BCAS3: variants seen among roughly 807,000 people sequenced by gnomAD.
BCAS3 encodes the protein BCAS3 microtubule associated cell migration factor.
In BCAS3, 53 loss-of-function variants were observed where a neutral mutation model predicts 116.1. That is an observed-to-expected ratio of 0.46 (90% confidence interval 0.37 to 0.57). BCAS3 has a LOEUF of 0.57. BCAS3 is among the 20% of genes least tolerant of loss of function. BCAS3 has a pLI of 0.00. For synonymous variants in BCAS3, 391 were observed against 408.2 expected, an observed-to-expected ratio of 0.96 and a Z score of 0.51; for missense variants, 917 against 1,165.4, an observed-to-expected ratio of 0.79 and a Z score of 3.10.
At chr17:61,009,017 T>C (rs371768028) in intron 15 of BCAS3, among the ~76,000 whole-genome samples, 2 of 152,102 alleles carry the variant, frequency 1.3e-5, no homozygotes, top group South Asian at 4.1e-4. Context: ...GTGTTGTAGA[T>C]AAGTGTATGG....
At position 61,008,867 on chromosome 17, in the gene BCAS3, A is replaced by G. The variant is rs2064908540; in HGVS notation, c.1487-6884A>G. ...TTGGGACTGGGGCTGTTTCCGTAGA[A>G]TTGTCTTCTGAGGAGTGCCAGAGAG... On this transcript the variant is annotated intron_variant, in intron 15 of 23. Transcript: ENST00000407086. The surrounding 1 kb of genome is among the most constrained non-coding windows in gnomAD (Gnocchi z 4.6). Among the ~76,000 whole-genome samples, 1 of 151,978 alleles carries G rather than the reference A, an allele frequency of 6.6e-6. No homozygotes were observed. The highest frequency in any genetic ancestry group is 2.1e-4 in the South Asian group (1 of 4,822).
At chr17:60,722,006 CTG>C (rs1568100411) in intron 5 of BCAS3, among the ~76,000 whole-genome samples, 1 of 152,068 alleles carries the variant, frequency 6.6e-6, no homozygotes, top group Non-Finnish European at 1.5e-5. Flanking sequence ...AACATTATGA[CTG>C]TAAGATTTGT....
rs957049543 is a variant in BCAS3 at position 61,354,307 on chromosome 17, A to G, written c.2426-14020A>G. ...GGAAAGAGAGAATTATGAGAAAAAT[A>G]TGTACTTATTCTGTGAAAATATGTG... On this transcript the variant is annotated intron_variant, in intron 22 of 23. Transcript: ENST00000407086. The surrounding 1 kb of genome is among the most constrained non-coding windows in gnomAD (Gnocchi z 4.5). The G allele has an allele frequency of 6.6e-6, 1 of 152,244 alleles. No individual in the cohort carries two copies. Among genetic ancestry groups the G allele is most frequent in the Non-Finnish European group, 1.5e-5 (1 of 68,054 alleles). The allele number at this position is 152,244 out of a possible 1,614,324, so 9.4% of individuals were successfully genotyped here. A position where few individuals can be genotyped will look rare whatever the true frequency, so the allele number is the denominator to read the frequency against.
chr17:61,250,601 TA>T (rs1279787428), intron 22 of BCAS3, among the ~76,000 whole-genome samples: 2 of 152,238 alleles, frequency 1.3e-5, no homozygotes, highest in Non-Finnish European at 2.9e-5. Context: ...TGATTATCTC[TA>T]AAAAGAAACT....
chr17:60,772,672 G>C (rs1052105474), intron 6 of BCAS3, among the ~76,000 whole-genome samples: 1 of 152,160 alleles, frequency 6.6e-6, no homozygotes, highest in African/African-American at 2.4e-5. Flanking sequence ...TCGAGGTCAG[G>C]AGTTCGAGAC....
At chr17:61,275,706 G>A (rs1255056205) in intron 22 of BCAS3, among the ~76,000 whole-genome samples, 1 of 152,170 alleles carries the variant, frequency 6.6e-6, no homozygotes, top group Non-Finnish European at 1.5e-5. Flanking sequence ...TAATTTGAAG[G>A]AGACTATCTC....
chr17:60,844,975 A>G (rs2052368421), intron 7 of BCAS3, among the ~76,000 whole-genome samples: 1 of 152,248 alleles, frequency 6.6e-6, no homozygotes, highest in Non-Finnish European at 1.5e-5. Flanking sequence ...TATGCCTATA[A>G]TCTCAGCACT....
intron 8 of BCAS3, among the ~76,000 whole-genome samples, chr17:60,870,279 A>G (rs1240681361): frequency 6.6e-6 from 1 of 152,190 alleles, no homozygotes; most frequent in Admixed American, 6.5e-5. Flanking sequence ...AGCCCTAGCA[A>G]GAGGTGATAT....
chr17:61,148,106 T>C (rs1217352950), intron 22 of BCAS3, among the ~76,000 whole-genome samples: 1 of 152,218 alleles, frequency 6.6e-6, no homozygotes, highest in Non-Finnish European at 1.5e-5. Flanking sequence ...ATAGGAATTT[T>C]AGATAAGTAG....
chr17:60,715,152 G>A (rs985351143), intron 5 of BCAS3, among the ~76,000 whole-genome samples: 2 of 46,356 alleles, frequency 4.3e-5, no homozygotes, highest in South Asian at 1.6e-3. Flanking sequence ...TTTTTTTTTT[G>A]AGACAGAGTC....
In BCAS3 at chr17:60,799,520, G is replaced by GTTTTTTTTTTTTTTTTTTTTTT. The variant is rs200098763; in HGVS notation, c.404-8481_404-8480insTTTTTTTTTTTTTTTTTTTTTT. 5.1e-5 allele frequency among the ~76,000 whole-genome samples: 6 copies of GTTTTTTTTTTTTTTTTTTTTTT among 117,644 alleles called. 3 individuals are homozygous for GTTTTTTTTTTTTTTTTTTTTTT. The highest frequency in any genetic ancestry group is 2.2e-4 in the African/African-American group (6 of 27,140). 77.2% of individuals were successfully genotyped at this position (117,644 alleles called of 152,430 possible). A position where few individuals can be genotyped will look rare whatever the true frequency, so the allele number is the denominator to read the frequency against. On this transcript the variant is annotated intron_variant, in intron 6 of 23. Coordinates refer to ENST00000407086, the MANE Select transcript of BCAS3 (RefSeq NM_017679.5). ...AATATGTAAGTTTTTTGAGATTAGTGTTTGTTTTTTTTTTTTTTTTTTTTT... is the reference window on the plus strand; with the variant it reads ...AATATGTAAGTTTTTTGAGATTAGTGTTTTTTTTTTTTTTTTTTTTTTTTTGTTTTTTTTTTTTTTTTTTTTT...
At chr17:61,074,811 A>T in intron 19 of BCAS3, 109 bp from the exon 20 acceptor site, 1 of 568,332 alleles carries the variant, frequency 1.8e-6, no homozygotes, top group Non-Finnish European at 2.9e-6. Context: ...GCTTTAAAGT[A>T]TTATATTTTA....
chr17:61,376,388 C>T lies in BCAS3; in HGVS notation c.2593+7894C>T, dbSNP rs1258287469. On this transcript the variant is annotated intron_variant, in intron 23 of 23. Coordinates refer to ENST00000407086, the MANE Select transcript of BCAS3 (RefSeq NM_017679.5). The surrounding 1 kb of genome is among the most constrained non-coding windows in gnomAD (Gnocchi z 4.5). ...TCCCTGCTTCCCTACCACACACAAC[C>T]ACCAAGCTGCTTTGATCTTTCCAGA... Among the ~76,000 whole-genome samples, 1 of 152,188 alleles carries T rather than the reference C, an allele frequency of 6.6e-6. No individual in the cohort carries two copies. The highest frequency in any genetic ancestry group is 1.5e-5 in the Non-Finnish European group (1 of 68,022).
At chr17:60,842,641 A>G (rs1043361421) in intron 7 of BCAS3, among the ~76,000 whole-genome samples, 3 of 151,910 alleles carry the variant, frequency 2.0e-5, no homozygotes, top group Admixed American at 6.6e-5. Context: ...CCACTTATTT[A>G]TATTCTCATC....
intron 5 of BCAS3, among the ~76,000 whole-genome samples, chr17:60,712,379 A>T (rs2038042307): frequency 6.9e-6 from 1 of 145,066 alleles, no homozygotes; most frequent in African/African-American, 2.9e-5. Context: ...TTGTCTTGGG[A>T]AGGAAAAAAA....
chr17:60,896,096 C>T (rs1187032743), intron 10 of BCAS3, among the ~76,000 whole-genome samples: 5 of 152,158 alleles, frequency 3.3e-5, no homozygotes, highest in African/African-American at 4.8e-5. Flanking sequence ...GAGGCCAAGG[C>T]GGGCCAATGA....
rs73990990 is a variant in BCAS3, at chr17:60,816,932, G to A, written c.476+8856G>A. Among the ~76,000 whole-genome samples the A allele has an allele frequency of 3.4e-3, 515 of 152,232 alleles. 7 individuals are homozygous for A. The highest frequency in any genetic ancestry group is 0.031 in the Middle Eastern group (9 of 294). On this transcript the variant is annotated intron_variant, in intron 7 of 23. Transcript: ENST00000407086. ...GGCAGTTTCAGCAGCTGGGCTTTAC[G>A]GCTAATTTTTGGAGCAGGTGCTATG...
intron 5 of BCAS3, among the ~76,000 whole-genome samples, chr17:60,719,458 G>A (rs969329245): frequency 2.6e-5 from 4 of 152,190 alleles, no homozygotes; most frequent in African/African-American, 9.7e-5. Flanking sequence ...ACATCCAGTT[G>A]GAGAAGGAGT....
chr17:60,706,942 G>A (rs983815853), intron 4 of BCAS3, among the ~76,000 whole-genome samples: 1 of 151,078 alleles, frequency 6.6e-6, no homozygotes, highest in African/African-American at 2.4e-5. Context: ...AGTCTCCCCA[G>A]CAACTGAGAC....
Sources: gnomAD v4.1 joint callset for allele counts (sites outside exome capture counted in the v4.1 genomes callset) on GRCh38, gnomAD v4.1.1 for gene constraint, Gnocchi (gnomAD v3.1) non-coding constraint, MANE v1.5 for transcripts, NCBI Gene and HGNC (gene_info 2026-07-23, HGNC 2026-07-21) for gene names.